Variants in SERPINA9 observed in about 807,000 individuals in gnomAD.
SERPINA9 encodes the protein serpin A9.
A neutral mutation model predicts 24.5 loss-of-function variants in SERPINA9; 32 were observed. The observed-to-expected ratio is 1.30, with a 90% CI of 0.98 to 1.75. The LOEUF (loss-of-function observed/expected upper bound fraction) is 1.75, where lower values mean the gene tolerates loss of function less well. Among genes scored for constraint, SERPINA9 ranks in the 40% most tolerant of loss-of-function variants. The pLI, the probability that SERPINA9 is intolerant of heterozygous loss-of-function variation, is 0.00. For synonymous variants in SERPINA9, 233 were observed against 197.7 expected (o/e 1.18, Z -1.50); for missense variants, 594 against 497.1 (o/e 1.19, Z -1.85).
chr14:94,465,318 G>A (rs1898950209), intron 3 of SERPINA9, among the ~76,000 whole-genome samples: 1 of 152,246 alleles, frequency 6.6e-6, no homozygotes, highest in South Asian at 2.1e-4. Context: ...GTAGCCATTA[G>A]CCATGTGTGG....
At chr14:94,465,525 T>C (rs2139799548) in intron 3 of SERPINA9, among the ~76,000 whole-genome samples, 1 of 136,458 alleles carries the variant, frequency 7.3e-6, no homozygotes, top group Admixed American at 7.5e-5. Flanking sequence ...ACAGCCCACA[T>C]GTGTTGAACT....
chr14:94,469,629 GAGA>G lies in SERPINA9; in HGVS notation c.209_211del (p.Phe70del), dbSNP rs541943122. 1.8e-4 allele frequency: 287 copies of G among 1,614,144 alleles called. 2 individuals carry two copies. The African/African-American group carries it at 3.1e-3, about 17-fold the overall frequency. ...CAGGGAAGTGGAGACACTCACAGGG[GAGA>G]AGAAGATGTTCTGACTCGGGGTCTC... On this transcript the variant is annotated inframe_deletion, in exon 2 of 5. Coordinates refer to ENST00000674397, the MANE Select transcript of SERPINA9 (RefSeq NM_175739.4).
intron 1 of SERPINA9, among the ~76,000 whole-genome samples, chr14:94,474,075 T>C (rs1245205952): frequency 1.3e-5 from 2 of 152,200 alleles, no homozygotes; most frequent in African/African-American, 4.8e-5. Flanking sequence ...TGGCTATTCA[T>C]GACCATGGGA....
intron 3 of SERPINA9, 127 bp from the exon 4 acceptor site, chr14:94,464,981 A>G: frequency 1.3e-6 from 1 of 800,002 alleles, no homozygotes; most frequent in Non-Finnish European, 1.9e-6. Flanking sequence ...AAAAAGGTCA[A>G]CACATCCTAG....
At chr14:94,472,298 C>T (rs1899357461) in intron 1 of SERPINA9, among the ~76,000 whole-genome samples, 1 of 152,176 alleles carries the variant, frequency 6.6e-6, no homozygotes, top group South Asian at 2.1e-4. Flanking sequence ...AAATGCCCCT[C>T]CTGGATGCCA....
intron 1 of SERPINA9, among the ~76,000 whole-genome samples, chr14:94,473,322 C>G (rs1382006986): frequency 6.6e-6 from 1 of 152,068 alleles, no homozygotes; most frequent in East Asian, 1.9e-4. Context: ...AGTTCCAGAC[C>G]AGCCTGGCCA....
intron 3 of SERPINA9, 63 bp from the exon 4 acceptor site, chr14:94,464,917 T>C (rs1405256114): frequency 7.1e-7 from 1 of 1,401,916 alleles, no homozygotes; most frequent in African/African-American, 1.4e-5. Context: ...TCTCTGCTCC[T>C]AGATGCCATT....
At chr14:94,475,419 T>A (rs2139827873) in intron 1 of SERPINA9, among the ~76,000 whole-genome samples, 1 of 118,018 alleles carries the variant, frequency 8.5e-6, no homozygotes, top group East Asian at 2.3e-4. Flanking sequence ...TGCCTACATG[T>A]GCACACACAC....
At chr14:94,470,748 G>A (rs1899275624) in intron 1 of SERPINA9, among the ~76,000 whole-genome samples, 1 of 152,200 alleles carries the variant, frequency 6.6e-6, no homozygotes, top group African/African-American at 2.4e-5. Flanking sequence ...TACTTTTACT[G>A]TTGTTTTGTT....
At chr14:94,469,187 T>A (rs762815325) in intron 2 of SERPINA9, 26 bp downstream of exon 2, 3 of 1,579,168 alleles carry the variant, frequency 1.9e-6, no homozygotes, top group Non-Finnish European at 1.7e-6. Context: ...AATAAATAAA[T>A]AAAAATCAAC....
At chr14:94,476,011 C>G (rs1899629116) in intron 1 of SERPINA9, 125 bp downstream of exon 1, 3 of 1,455,262 alleles carry the variant, frequency 2.1e-6, no homozygotes, top group Middle Eastern at 3.7e-4. Context: ...ACTAATGTGT[C>G]TAGGTTCTCA....
Position 94,463,181 on chromosome 14 carries a change from A to G in SERPINA9, c.1166T>C (p.Phe389Ser). 1 of 1,614,146 alleles carries G rather than the reference A, an allele frequency of 6.2e-7. No individual in the cohort carries two copies. The highest frequency in any genetic ancestry group is 8.5e-7 in the Non-Finnish European group (1 of 1,179,968). ...KDGPSYFTVS[F>S]NRTFLMMITN... ...AATCATCATCAGGAAGGTCCTATTG[A>G]AGGAGACAGTGAAGTAAGAGGGGCC... Residue 389 changes from phenylalanine (F) to serine (S), a missense_variant, in exon 5 of 5, where the codon TTC (phenylalanine) becomes TCC (serine). Phe to Ser is a radical substitution (Grantham distance 155). Transcript: ENST00000674397.
chr14:94,470,335 G>A, intron 1 of SERPINA9: 2 of 416,604 alleles, frequency 4.8e-6, no homozygotes, highest in Non-Finnish European at 6.5e-6. Context: ...CCCAGACACA[G>A]GCATTTTACT....
intron 1 of SERPINA9, 175 bp from the exon 2 acceptor site, chr14:94,470,032 A>G (rs1195899917): frequency 1.1e-5 from 7 of 633,384 alleles, no homozygotes; most frequent in East Asian, 3.0e-5. Flanking sequence ...AGATCTTATT[A>G]TTGCTGTTTT....
chr14:94,470,514 A>G (rs1371474562), intron 1 of SERPINA9, among the ~76,000 whole-genome samples: 3 of 152,216 alleles, frequency 2.0e-5, no homozygotes, highest in African/African-American at 4.8e-5. Context: ...TTTGGCCCCA[A>G]GGAGACTTCA....
intron 1 of SERPINA9, among the ~76,000 whole-genome samples, chr14:94,472,609 A>G (rs945159205): frequency 2.6e-5 from 4 of 152,194 alleles, no homozygotes; most frequent in Non-Finnish European, 4.4e-5. Context: ...TGGGGCTACA[A>G]TGAGGGACAG....
At chr14:94,466,823 C>T (rs187013238) in intron 3 of SERPINA9, among the ~76,000 whole-genome samples, 2 of 152,122 alleles carry the variant, frequency 1.3e-5, no homozygotes, top group African/African-American at 4.8e-5. Context: ...GCTTCTAGAG[C>T]CAGCTCTGCA....
chr14:94,475,238 C>T (rs566254088), intron 1 of SERPINA9, among the ~76,000 whole-genome samples: 4 of 152,322 alleles, frequency 2.6e-5, no homozygotes, highest in South Asian at 4.1e-4. Flanking sequence ...AAGGCAGCCT[C>T]GTCCACTGTG....
intron 1 of SERPINA9, 79 bp from the exon 2 acceptor site, chr14:94,469,936 G>C (rs996547088): frequency 8.6e-7 from 1 of 1,167,484 alleles, no homozygotes; most frequent in Non-Finnish European, 1.2e-6. Context: ...ACACCCCCAC[G>C]CCATCAGCAG....
Sources: allele counts gnomAD v4.1 joint callset (sites outside exome capture counted in the v4.1 genomes callset), GRCh38; gene constraint gnomAD v4.1.1; transcripts MANE v1.5; gene names NCBI Gene and HGNC (gene_info 2026-07-23, HGNC 2026-07-21).